PTPRR: variants seen among roughly 807,000 people sequenced by gnomAD.
PTPRR encodes receptor-type tyrosine-protein phosphatase R.
PTPRR carries 38 observed loss-of-function variants against 77.2 expected under a neutral mutation model. The observed-to-expected ratio is 0.49, with a 90% confidence interval of 0.38 to 0.65. PTPRR has a LOEUF of 0.65. Ranked by LOEUF, PTPRR falls within the 30% of genes least tolerant of loss-of-function variation. The pLI is 0.00. For missense variants in PTPRR, 744 were observed against 799.2 expected (o/e 0.93, Z 0.83); for synonymous variants, 299 against 283.1 (o/e 1.06, Z -0.57).
intron 2 of PTPRR, among the ~76,000 whole-genome samples, chr12:70,869,644 G>A (rs554121599): frequency 6.6e-6 from 1 of 152,246 alleles, no homozygotes; most frequent in Non-Finnish European, 1.5e-5. Context: ...AATCACTGGA[G>A]TTCTTACAAG....
intron 3 of PTPRR, among the ~76,000 whole-genome samples, chr12:70,762,435 T>A (rs1205353656): frequency 2.0e-5 from 3 of 152,192 alleles, no homozygotes; most frequent in Non-Finnish European, 2.9e-5. Context: ...TGCTAGAAAG[T>A]TTTCTTTTAA....
intron 2 of PTPRR, among the ~76,000 whole-genome samples, chr12:70,866,462 C>T (rs1202269965): frequency 6.6e-6 from 1 of 152,056 alleles, no homozygotes. Context: ...GACACATACA[C>T]CCTCCCAAGA....
rs180677079 is a variant in PTPRR, at chr12:70,743,764, C to T, written c.1007+2054G>A. 2.1e-3 allele frequency among the ~76,000 whole-genome samples: 317 copies of T among 152,208 alleles called. 1 individual carries two copies. Among genetic ancestry groups the T allele is most frequent in the African/African-American group, 7.0e-3 (289 of 41,528 alleles). ...ATGGGTATGATTCCGTCCTTGTATT[C>T]GCCCTTCTCAAAGATTCACTTTAAT... is the stretch of plus-strand genomic sequence containing the variant. On this transcript the variant is annotated intron_variant, in intron 6 of 13. Transcript: ENST00000283228.
At chr12:70,734,175 A>G (rs890849243) in intron 6 of PTPRR, among the ~76,000 whole-genome samples, 1 of 149,474 alleles carries the variant, frequency 6.7e-6, no homozygotes, top group Admixed American at 6.8e-5. Context: ...CAACCTATAC[A>G]TCAAGATTTG....
At chr12:70,691,831 T>TG (rs1343130611) in intron 8 of PTPRR, among the ~76,000 whole-genome samples, 1 of 152,296 alleles carries the variant, frequency 6.6e-6, no homozygotes, top group East Asian at 1.9e-4. Flanking sequence ...AAGTATCTCC[T>TG]GGTCTCCCTG....
intron 2 of PTPRR, among the ~76,000 whole-genome samples, chr12:70,866,771 C>T (rs1210240127): frequency 6.6e-6 from 1 of 152,040 alleles, no homozygotes; most frequent in South Asian, 2.1e-4. Context: ...AACATTGATG[C>T]AAAAATCCTC....
intron 1 of PTPRR, chr12:70,906,937 T>A (rs544462243): frequency 6.5e-6 from 1 of 152,706 alleles, no homozygotes; most frequent in African/African-American, 2.4e-5. Context: ...AGTGCAGTGG[T>A]GTTTACAACT....
At chr12:70,754,664 C>A in intron 4 of PTPRR, 1 of 1,597,386 alleles carries the variant, frequency 6.3e-7, no homozygotes, top group South Asian at 1.1e-5. Flanking sequence ...TTTTAAGTCC[C>A]CTCCCACAAC....
intron 6 of PTPRR, among the ~76,000 whole-genome samples, chr12:70,736,546 A>C (rs1197343323): frequency 6.6e-6 from 1 of 152,046 alleles, no homozygotes; most frequent in African/African-American, 2.4e-5. Context: ...ACTTACTATT[A>C]AGTTATTAGG....
At chr12:70,669,504 G>A (rs1592653946) in intron 10 of PTPRR, among the ~76,000 whole-genome samples, 1 of 115,124 alleles carries the variant, frequency 8.7e-6, no homozygotes, top group Non-Finnish European at 1.6e-5. Context: ...ATATATACGA[G>A]CTATATATAT....
At chr12:70,860,149 T>C (rs1892727724) in intron 2 of PTPRR, among the ~76,000 whole-genome samples, 2 of 152,088 alleles carry the variant, frequency 1.3e-5, no homozygotes, top group African/African-American at 4.8e-5. Flanking sequence ...TACAGATACA[T>C]CTCTTTTGGA....
intron 8 of PTPRR, among the ~76,000 whole-genome samples, chr12:70,691,394 C>A (rs1888051789): frequency 6.6e-6 from 1 of 152,098 alleles, no homozygotes; most frequent in Non-Finnish European, 1.5e-5. Context: ...TCTTTCCAAT[C>A]TCCTGCTCAT....
intron 2 of PTPRR, among the ~76,000 whole-genome samples, chr12:70,810,819 C>T (rs780655651): frequency 1.3e-5 from 2 of 152,118 alleles, no homozygotes; most frequent in African/African-American, 4.8e-5. Context: ...CACAGAAAGA[C>T]AAAAACTCTC....
At chr12:70,813,840 T>C (rs1388270022) in intron 2 of PTPRR, among the ~76,000 whole-genome samples, 4 of 152,170 alleles carry the variant, frequency 2.6e-5, no homozygotes, top group Non-Finnish European at 2.9e-5. Context: ...GATCGCTTGC[T>C]CTACAGGGTT....
rs150540173 is a variant in PTPRR at position 70,684,230 on chromosome 12, G to A, written c.1394C>T (p.Thr465Met). The A allele has an allele frequency of 1.7e-5, 27 of 1,613,984 alleles. No individual in the cohort carries two copies. Among genetic ancestry groups the A allele is most frequent in the Non-Finnish European group, 1.9e-5 (23 of 1,179,914 alleles). Reference protein sequence around the residue: ...YSGKEKAFIATQGPMINTVDD... With the variant: ...YSGKEKAFIAMQGPMINTVDD... ...CACGGTGTTGATCATGGGGCCCTGC[G>A]TGGCAATGAAGGCTTTCTCCTTGCC... The change falls in exon 10 of 14, where the codon ACG becomes ATG. Residue 465 changes from threonine to methionine, a missense_variant. This residue lies in a region of PTPRR where 570 missense variants were observed against 573.2 expected (regional missense o/e 0.99). Coordinates refer to ENST00000283228, the MANE Select transcript of PTPRR (RefSeq NM_002849.4).
chr12:70,891,958 A>C (rs953575897), intron 2 of PTPRR, among the ~76,000 whole-genome samples: 1 of 152,056 alleles, frequency 6.6e-6, no homozygotes, highest in African/African-American at 2.4e-5. Flanking sequence ...GGATCCTTCT[A>C]TAATGATGTT....
chr12:70,784,225 A>T (rs1462071112), intron 2 of PTPRR, among the ~76,000 whole-genome samples: 5 of 152,166 alleles, frequency 3.3e-5, no homozygotes, highest in African/African-American at 1.2e-4. Flanking sequence ...AGGGGTACCC[A>T]GGTTGCAGTG....
chr12:70,762,759 T>C (rs1346710978), intron 3 of PTPRR, among the ~76,000 whole-genome samples: 1 of 152,198 alleles, frequency 6.6e-6, no homozygotes, highest in Non-Finnish European at 1.5e-5. Context: ...CACATTCACA[T>C]ACATGGAATA....
chr12:70,692,522 G>T (rs1228738414), intron 8 of PTPRR, among the ~76,000 whole-genome samples: 1 of 152,154 alleles, frequency 6.6e-6, no homozygotes, highest in African/African-American at 2.4e-5. Flanking sequence ...GCCAAGAGGG[G>T]TACTTAGCAA....
Sources: allele counts gnomAD v4.1 joint callset (sites outside exome capture counted in the v4.1 genomes callset), GRCh38; gene constraint gnomAD v4.1.1; regional missense constraint gnomAD v4.1.1; transcripts MANE v1.5; gene names NCBI Gene and HGNC (gene_info 2026-07-23, HGNC 2026-07-21).